Variants in RNF213 observed in about 807,000 individuals in gnomAD.
The protein encoded by RNF213 is E3 ubiquitin-protein ligase RNF213.
A neutral mutation model predicts 514.4 loss-of-function variants in RNF213; 341 were observed. That is an observed-to-expected ratio of 0.66 (90% confidence interval 0.61 to 0.73). The LOEUF (loss-of-function observed/expected upper bound fraction) is 0.73. RNF213 is among the 30% of genes least tolerant of loss of function. The probability of loss-of-function intolerance (pLI) is 0.00; values close to 1 mark genes in which losing one functional copy is unlikely to be tolerated. For synonymous variants in RNF213, 2,655 were observed against 2,658.2 expected (o/e 1.00, Z 0.04); for missense variants, 5,767 against 6,615.6 (o/e 0.87, Z 4.45).
chr17:80,393,259 ACG>A, intron 67 of RNF213, 84 bp from the exon 68 acceptor site: 1 of 1,107,226 alleles, frequency 9.0e-7, no homozygotes, highest in Non-Finnish European at 1.3e-6. Flanking sequence ...GGGCTTACAC[ACG>A]TGAGCCACAC....
chr17:80,319,488 C>T lies in RNF213; in HGVS notation c.3024+176C>T, dbSNP rs180861300. ...AATGGCGCTGAAATCTAGTTCTCTC[C>T]GGATTCCTCAGTGTGCTGCACAGTC... On this transcript the variant is annotated intron_variant, in intron 17 of 67. Coordinates refer to ENST00000582970, the MANE Select transcript of RNF213 (RefSeq NM_001256071.3). The T allele has an allele frequency of 1.0e-4, 161 of 1,613,988 alleles. No homozygotes were observed. In the African/African-American group the frequency reaches 1.4e-3, roughly 14 times the overall value.
rs1328743364 is a variant in RNF213 at position 80,368,175 on chromosome 17, T to C, written c.12155+32T>C. ...CACCCTTTCTCTCAAGAAAGCATCC[T>C]TTTTTTCATTTTCCTTTTTTGGCAA... On this transcript the variant is annotated intron_variant, in intron 44 of 67. Coordinates refer to ENST00000582970, the MANE Select transcript of RNF213 (RefSeq NM_001256071.3). 5 of 1,605,302 alleles carry C rather than the reference T, an allele frequency of 3.1e-6. No homozygotes were observed. The South Asian group carries it at 5.5e-5, about 18-fold the overall frequency.
At chr17:80,306,576 G>C in intron 12 of RNF213, 108 bp downstream of exon 12, 1 of 1,178,066 alleles carries the variant, frequency 8.5e-7, no homozygotes, top group Non-Finnish European at 1.2e-6. Flanking sequence ...CAGTGGGCTG[G>C]GTGCGGTGGC....
chr17:80,316,535 C>T (rs2045954502), intron 15 of RNF213: 1 of 162,360 alleles, frequency 6.2e-6, no homozygotes, highest in Non-Finnish European at 1.4e-5. Flanking sequence ...ATCTAGGATC[C>T]AGTCAGGACA....
intron 3 of RNF213, among the ~76,000 whole-genome samples, chr17:80,286,037 A>G (rs1336202609): frequency 2.0e-5 from 3 of 152,208 alleles, no homozygotes; most frequent in African/African-American, 7.2e-5. Flanking sequence ...CAGTGGCCAG[A>G]TCTCAGTGAG....
rs180962462 is a variant in RNF213 at position 80,289,314 on chromosome 17, G to T, written c.934-345G>T. 3.8e-4 allele frequency among the ~76,000 whole-genome samples: 58 copies of T among 152,292 alleles called. 1 individual carries two copies. In the East Asian group the frequency reaches 0.011, roughly 28 times the overall value. ...GGGGTCAATGTGGAGGCTGGGCCAG[G>T]CGCGGTAGCTCACACCTATAATCCC... On this transcript the variant is annotated intron_variant, in intron 5 of 67. Coordinates refer to ENST00000582970, the MANE Select transcript of RNF213 (RefSeq NM_001256071.3).
chr17:80,358,265 C>G (rs779250073), intron 36 of RNF213, 23 bp from the exon 37 acceptor site: 5 of 1,611,936 alleles, frequency 3.1e-6, no homozygotes, highest in Non-Finnish European at 4.2e-6. Context: ...CCCGTGGTGG[C>G]CCATCTCTCT....
rs1256224091 is a variant in RNF213 at position 80,345,968 on chromosome 17, T to C, written c.7633T>C (p.Tyr2545His). ...ICRLESAGLG[Y>H]RVSMEETADR... is the part of the protein sequence containing the mutation. ...CCGTTTGGAGTCAGCTGGTTTGGGC[T>C]ACAGGGTTAGTATGGAGGAGACGGC... The change falls in exon 29 of 68, where the codon TAC (tyrosine) becomes CAC (histidine). Residue 2545 changes from tyrosine (Y) to histidine (H), a missense_variant. Physicochemically the swap from Tyr to His is moderately conservative, Grantham distance 83. Coordinates refer to ENST00000582970, the MANE Select transcript of RNF213 (RefSeq NM_001256071.3). This position sits in a 1 kb window ranked among gnomAD's most constrained non-coding sequence, Gnocchi z 6.0. 1 of 1,614,122 alleles carries C rather than the reference T, an allele frequency of 6.2e-7. No homozygotes were observed. The highest frequency in any genetic ancestry group is 2.2e-5 in the East Asian group (1 of 44,896).
intron 42 of RNF213, among the ~76,000 whole-genome samples, chr17:80,366,328 C>T (rs557706596): frequency 1.6e-4 from 25 of 152,252 alleles, no homozygotes; most frequent in African/African-American, 6.0e-4. Flanking sequence ...GTATTGTTTT[C>T]CACGGGGGCT....
chr17:80,271,200 T>C (rs80057807), intron 2 of RNF213, among the ~76,000 whole-genome samples: 4,321 of 152,064 alleles, frequency 0.028, 91 homozygotes, highest in East Asian at 0.11. Context: ...GGGCCTTGGG[T>C]CGCCTGTTGC....
intron 17 of RNF213, 49 bp from the exon 18 acceptor site, chr17:80,324,981 A>G (rs1317796365): frequency 3.3e-6 from 5 of 1,509,462 alleles, no homozygotes; most frequent in Non-Finnish European, 4.5e-6. Flanking sequence ...TTTCAAAACA[A>G]ACTAATGAAA....
intron 39 of RNF213, 33 bp downstream of exon 39, chr17:80,361,921 G>C: frequency 3.1e-6 from 5 of 1,602,966 alleles, no homozygotes; most frequent in Non-Finnish European, 4.3e-6. Flanking sequence ...AGGGTCAGGT[G>C]TAGAGCTTGC....
intron 51 of RNF213, 135 bp from the exon 52 acceptor site, chr17:80,376,166 A>T: frequency 3.9e-6 from 4 of 1,026,286 alleles, no homozygotes; most frequent in Non-Finnish European, 5.9e-6. Flanking sequence ...TCTCTGAAAA[A>T]TTTCCCCCTC....
At position 80,364,521 on chromosome 17, in the gene RNF213, C is replaced by T; in HGVS notation, c.11839C>T (p.Leu3947=). 1 of 1,614,178 alleles carries T rather than the reference C, an allele frequency of 6.2e-7. No individual in the cohort carries two copies. Among genetic ancestry groups the T allele is most frequent in the Non-Finnish European group, 8.5e-7 (1 of 1,180,030 alleles). Residue 3947 remains leucine (L), a synonymous_variant, in exon 42 of 68, where the codon CTG becomes TTG. Transcript: ENST00000582970. ...TESRVPELQG[L]VTEHVFLLDK... ...GAGCCGCGTCCCCGAGTTACAGGGGCTGGTGACCGAGCACGTCTTCTTACT... is the reference window on the plus strand; with the variant it reads ...GAGCCGCGTCCCCGAGTTACAGGGGTTGGTGACCGAGCACGTCTTCTTACT...
intron 14 of RNF213, 148 bp from the exon 15 acceptor site, chr17:80,312,864 G>C: frequency 1.2e-6 from 1 of 817,558 alleles, no homozygotes; most frequent in South Asian, 1.5e-5. Flanking sequence ...TGGGAATGTG[G>C]GCTTCTGCCA....
rs371559000 is a variant in RNF213 at position 80,313,038 on chromosome 17, T to C, written c.2682T>C (p.Thr894=). ...ATTCTGCAGGACAGAGAGATGAAAC[T>C]GGAAATAATTCAGTCCAAACAGTCT... ...LVDSAGQRDE[T]GNNSVQTVFQ... is the part of the protein sequence containing the mutation. Residue 894 remains threonine (T), a synonymous_variant, in exon 15 of 68, where the codon ACT becomes ACC. Transcript: ENST00000582970. The C allele has an allele frequency of 3.0e-5, 48 of 1,613,868 alleles. No individual in the cohort carries two copies. Among genetic ancestry groups the C allele is most frequent in the Non-Finnish European group, 3.9e-5 (46 of 1,180,040 alleles).
intron 3 of RNF213, among the ~76,000 whole-genome samples, chr17:80,273,886 C>T (rs1279993741): frequency 6.6e-6 from 1 of 152,036 alleles, no homozygotes; most frequent in East Asian, 1.9e-4. Context: ...TCCCAAAGTG[C>T]TGGGATTACA....
chr17:80,290,685 G>C lies in RNF213; in HGVS notation c.1228G>C (p.Glu410Gln), dbSNP rs762435600. The C allele has an allele frequency of 3.1e-6, 5 of 1,614,108 alleles. No homozygotes were observed. The highest frequency in any genetic ancestry group is 4.2e-6 in the Non-Finnish European group (5 of 1,180,046). The change falls in exon 7 of 68, where the codon GAG becomes CAG. Residue 410 changes from glutamate to glutamine, a missense_variant. Transcript: ENST00000582970. Reference sequence around the variant, plus strand: ...CATCAGAGGAGGAGAAGAATTTGGGGAGTCAAAATGGGACAGCAATATCTG... The same window carrying C: ...CATCAGAGGAGGAGAAGAATTTGGGCAGTCAAAATGGGACAGCAATATCTG... ...VFIRGGEEFG[E>Q]SKWDSNICEL...
Position 80,291,690 on chromosome 17 carries a change from A to T in RNF213, c.1334A>T (p.Asp445Val). ...GTCTGCATTTCCAAGAAGCACCTAG[A>T]TAAATACATTCCTTACAAGTACGTC... Reference protein sequence around the residue: ...GIVCISKKHLDKYIPYKYVIY... With the variant: ...GIVCISKKHLVKYIPYKYVIY... The change falls in exon 8 of 68, where the codon GAT becomes GTT. Residue 445 changes from aspartate to valine, a missense_variant. Coordinates refer to ENST00000582970, the MANE Select transcript of RNF213 (RefSeq NM_001256071.3). 1 of 1,614,248 alleles carries T rather than the reference A, an allele frequency of 6.2e-7. No individual in the cohort carries two copies. Among genetic ancestry groups the T allele is most frequent in the Non-Finnish European group, 8.5e-7 (1 of 1,180,052 alleles).
Sources: allele counts gnomAD v4.1 joint callset (sites outside exome capture counted in the v4.1 genomes callset), GRCh38; gene constraint gnomAD v4.1.1; non-coding constraint Gnocchi (gnomAD v3.1); transcripts MANE v1.5; gene names NCBI Gene and HGNC (gene_info 2026-07-23, HGNC 2026-07-21).